Variants in SARNP observed in about 807,000 individuals in gnomAD.
The protein encoded by SARNP is SAP domain containing ribonucleoprotein, also known as SAP domain-containing ribonucleoprotein.
Under a neutral mutation model 38.1 loss-of-function variants are expected in SARNP, and 5 were observed. That is an observed-to-expected ratio of 0.13 (90% CI 0.07 to 0.28). SARNP has a LOEUF of 0.28. SARNP is among the 10% of genes least tolerant of loss of function. The probability of loss-of-function intolerance (pLI) is 1.00; values close to 1 mark genes in which losing one functional copy is unlikely to be tolerated. For synonymous variants in SARNP, 84 were observed against 80.6 expected (o/e 1.04, Z -0.23); for missense variants, 180 against 243.9 (o/e 0.74, Z 1.75).
In SARNP at chr12:55,798,745, A is replaced by T. The variant is rs547886241; in HGVS notation, c.251+1817T>A. Among the ~76,000 whole-genome samples, 14 of 152,364 alleles carry T rather than the reference A, an allele frequency of 9.2e-5. No individual in the cohort carries two copies. The East Asian group carries it at 2.7e-3, about 29-fold the overall frequency. ...TGCAATACTATTAAATGCTAGAAAG[A>T]ACAAGGTTCTAAGTTGATAACTAGT... On this transcript the variant is annotated intron_variant, in intron 4 of 10. Coordinates refer to ENST00000336133, the MANE Select transcript of SARNP (RefSeq NM_033082.4).
intron 9 of SARNP, among the ~76,000 whole-genome samples, chr12:55,761,186 AT>A (rs774746152): frequency 5.9e-5 from 9 of 152,018 alleles, no homozygotes; most frequent in East Asian, 3.9e-4. Context: ...AAAAAAAAAA[AT>A]AATAAATAAA....
At chr12:55,767,024 T>C (rs1878858085) in intron 9 of SARNP, among the ~76,000 whole-genome samples, 1 of 152,186 alleles carries the variant, frequency 6.6e-6, no homozygotes, top group Non-Finnish European at 1.5e-5. Flanking sequence ...AGTTCCAAAC[T>C]GAGCCCTTGA....
At position 55,788,910 on chromosome 12, in the gene SARNP, G is replaced by C. The variant is rs182157274; in HGVS notation, c.501+165C>G. Reference sequence around the variant, plus strand: ...ACAATCAGCTTGTGAAATAATTCCTGTAACATAATCAAGAGTCAGTGAGAG... The same window carrying C: ...ACAATCAGCTTGTGAAATAATTCCTCTAACATAATCAAGAGTCAGTGAGAG... On this transcript the variant is annotated intron_variant, in intron 9 of 10. Transcript: ENST00000336133. 1.8e-3 allele frequency among the ~76,000 whole-genome samples: 267 copies of C among 152,324 alleles called. 1 individual carries two copies. Among genetic ancestry groups the C allele is most frequent in the African/African-American group, 6.2e-3 (256 of 41,586 alleles).
At chr12:55,796,660 C>A (rs1879829263) in intron 4 of SARNP, among the ~76,000 whole-genome samples, 1 of 152,186 alleles carries the variant, frequency 6.6e-6, no homozygotes, top group Non-Finnish European at 1.5e-5. Flanking sequence ...ACCTCGGCCT[C>A]CCAAAGTACT....
chr12:55,783,105 G>A (rs908817121), intron 9 of SARNP, among the ~76,000 whole-genome samples: 2 of 151,894 alleles, frequency 1.3e-5, no homozygotes, highest in African/African-American at 4.8e-5. Context: ...GTTAGACCCT[G>A]TCTTAAAAAA....
At chr12:55,753,185 T>C (rs1878380118), downstream of SARNP, 1 of 152,182 alleles carries the variant, frequency 6.6e-6, no homozygotes. Context: ...CTAAAGGTTC[T>C]CTTGAGATGA....
At chr12:55,775,763 G>A (rs964151282) in intron 9 of SARNP, among the ~76,000 whole-genome samples, 3 of 151,890 alleles carry the variant, frequency 2.0e-5, no homozygotes, top group African/African-American at 7.3e-5. Context: ...AAAATACTAT[G>A]GGATCTGACC....
chr12:55,761,351 G>A (rs1878670599), intron 9 of SARNP, among the ~76,000 whole-genome samples: 1 of 152,156 alleles, frequency 6.6e-6, no homozygotes, highest in South Asian at 2.1e-4. Flanking sequence ...GTTGAACAAT[G>A]CTTACACGTT....
At chr12:55,805,216 C>T (rs900872528) in intron 1 of SARNP, among the ~76,000 whole-genome samples, 3 of 152,174 alleles carry the variant, frequency 2.0e-5, no homozygotes, top group Non-Finnish European at 4.4e-5. Context: ...GAGCTGAGAT[C>T]GACCACTACA....
intron 1 of SARNP, among the ~76,000 whole-genome samples, chr12:55,813,621 C>G (rs1025194772): frequency 1.3e-5 from 2 of 150,192 alleles, no homozygotes; most frequent in Non-Finnish European, 3.0e-5. Context: ...ATCGGCTCAC[C>G]GCAACCTCCA....
intron 4 of SARNP, among the ~76,000 whole-genome samples, chr12:55,797,764 T>C (rs1463425457): frequency 6.6e-6 from 1 of 152,124 alleles, no homozygotes; most frequent in Non-Finnish European, 1.5e-5. Context: ...AAATTTCCAC[T>C]CTTCACTGAG....
chr12:55,807,454 G>A (rs1880183024), intron 1 of SARNP, among the ~76,000 whole-genome samples: 1 of 151,920 alleles, frequency 6.6e-6, no homozygotes, highest in Non-Finnish European at 1.5e-5. Flanking sequence ...AGGATTGCCT[G>A]AATCCAGAAG....
At chr12:55,810,172 G>C (rs1337767715) in intron 1 of SARNP, among the ~76,000 whole-genome samples, 1 of 152,176 alleles carries the variant, frequency 6.6e-6, no homozygotes, top group Non-Finnish European at 1.5e-5. Context: ...GAATGCAGCA[G>C]TGCAATCGCA....
chr12:55,805,665 G>A (rs532503293), intron 1 of SARNP, among the ~76,000 whole-genome samples: 16 of 152,234 alleles, frequency 1.1e-4, no homozygotes, highest in East Asian at 3.9e-4. Context: ...TGGCCAACAC[G>A]GTGAAACCCT....
chr12:55,794,956 TTAAAAAA>T, intron 5 of SARNP, 76 bp from the exon 6 acceptor site: 1 of 344,670 alleles, frequency 2.9e-6, no homozygotes, highest in African/African-American at 2.6e-5. Context: ...GTAGGTATCT[TTAAAAAA>T]AAAAAAAAAA....
At chr12:55,777,232 C>T (rs1053667265) in intron 9 of SARNP, among the ~76,000 whole-genome samples, 2 of 152,084 alleles carry the variant, frequency 1.3e-5, no homozygotes, top group Non-Finnish European at 2.9e-5. Flanking sequence ...CAGCCATGCA[C>T]CTTTAGGGAA....
intron 8 of SARNP, 91 bp from the exon 9 acceptor site, chr12:55,789,234 A>G: frequency 1.2e-6 from 1 of 866,414 alleles, no homozygotes; most frequent in Middle Eastern, 3.4e-4. Flanking sequence ...TAAGAGTTCA[A>G]ATAAGCCTAT....
At chr12:55,772,446 T>C (rs550764652) in intron 9 of SARNP, among the ~76,000 whole-genome samples, 1 of 152,290 alleles carries the variant, frequency 6.6e-6, no homozygotes, top group South Asian at 2.1e-4. Flanking sequence ...CCACTTTTTC[T>C]TTCTCTTGTC....
intron 1 of SARNP, 114 bp from the exon 2 acceptor site, chr12:55,803,842 C>A (rs1880057435): frequency 1.5e-6 from 1 of 657,954 alleles, no homozygotes; most frequent in Non-Finnish European, 2.6e-6. Flanking sequence ...TCCCAAATTA[C>A]TGCCCTTAAT....
Sources: allele counts gnomAD v4.1 joint callset (sites outside exome capture counted in the v4.1 genomes callset), GRCh38; gene constraint gnomAD v4.1.1; transcripts MANE v1.5; gene names NCBI Gene and HGNC (gene_info 2026-07-23, HGNC 2026-07-21).